SLC16A10: variants seen among roughly 807,000 people sequenced by gnomAD.
SLC16A10 encodes monocarboxylate transporter 10.
Under a neutral mutation model 40.0 loss-of-function variants are expected in SLC16A10, and 27 were observed. That is an observed-to-expected ratio of 0.67 (90% CI 0.50 to 0.93). The LOEUF (loss-of-function observed/expected upper bound fraction) is 0.93, where lower values mean the gene tolerates loss of function less well. Among genes scored for constraint, SLC16A10 ranks in the 40% least tolerant of loss-of-function variants. The pLI, the probability that SLC16A10 is intolerant of heterozygous loss-of-function variation, is 0.00. For missense variants in SLC16A10, 529 were observed against 658.2 expected (o/e 0.80, Z 2.15); for synonymous variants, 213 against 249.8 (o/e 0.85, Z 1.39).
chr6:111,128,629 T>A (rs954768501), intron 1 of SLC16A10, among the ~76,000 whole-genome samples: 1 of 152,192 alleles, frequency 6.6e-6, no homozygotes, highest in African/African-American at 2.4e-5. Context: ...TCGGATGCAG[T>A]AAGGAAGGCT....
intron 1 of SLC16A10, among the ~76,000 whole-genome samples, chr6:111,145,563 CACACCATATAAAAAA>C (rs1220700575): frequency 6.6e-6 from 1 of 152,108 alleles, no homozygotes; most frequent in Non-Finnish European, 1.5e-5. Context: ...TCCCCTACCT[CACACCATATAAAAAA>C]ATAACTCAAA....
intron 1 of SLC16A10, among the ~76,000 whole-genome samples, chr6:111,134,076 A>G (rs367596337): frequency 3.3e-5 from 5 of 152,214 alleles, no homozygotes; most frequent in African/African-American, 9.6e-5. Flanking sequence ...GAGTTTGGCA[A>G]TCTCTGGTAT....
intron 1 of SLC16A10, among the ~76,000 whole-genome samples, chr6:111,164,749 C>T (rs1772440759): frequency 6.6e-6 from 1 of 152,122 alleles, no homozygotes; most frequent in Non-Finnish European, 1.5e-5. Context: ...CAGAGTGATA[C>T]TGTTGAAAAA....
At chr6:111,092,193 T>G (rs1372535081) in intron 1 of SLC16A10, among the ~76,000 whole-genome samples, 1 of 152,124 alleles carries the variant, frequency 6.6e-6, no homozygotes, top group East Asian at 1.9e-4. Flanking sequence ...TGAAAAATGC[T>G]GACGGCATCA....
chr6:111,218,305 C>T (rs950213290), intron 4 of SLC16A10, among the ~76,000 whole-genome samples: 11 of 152,034 alleles, frequency 7.2e-5, no homozygotes, highest in Non-Finnish European at 1.6e-4. Context: ...TTCGGCCAGG[C>T]GCTGTGGCTC....
intron 1 of SLC16A10, among the ~76,000 whole-genome samples, chr6:111,148,543 G>A (rs1261848258): frequency 6.6e-6 from 1 of 152,224 alleles, no homozygotes; most frequent in Non-Finnish European, 1.5e-5. Context: ...CCTGTTAGGT[G>A]GAAACATGTC....
intron 3 of SLC16A10, among the ~76,000 whole-genome samples, chr6:111,201,357 T>C (rs1554261336): frequency 1.3e-5 from 2 of 152,216 alleles, no homozygotes; most frequent in Non-Finnish European, 2.9e-5. Context: ...GTAGTTATTT[T>C]AGTCCCACAG....
chr6:111,151,783 A>G (rs949492514), intron 1 of SLC16A10, among the ~76,000 whole-genome samples: 1 of 152,172 alleles, frequency 6.6e-6, no homozygotes, highest in African/African-American at 2.4e-5. Flanking sequence ...TTTACATGGA[A>G]TGTTCCTGCC....
At chr6:111,220,855 G>A (rs922044415) in intron 5 of SLC16A10, among the ~76,000 whole-genome samples, 1 of 152,204 alleles carries the variant, frequency 6.6e-6, no homozygotes, top group Non-Finnish European at 1.5e-5. Context: ...CACAGCAACT[G>A]GCAGCAGAAA....
At chr6:111,088,815 T>C (rs771763710) in intron 1 of SLC16A10, among the ~76,000 whole-genome samples, 2 of 124,150 alleles carry the variant, frequency 1.6e-5, no homozygotes, top group Non-Finnish European at 4.0e-5. Context: ...AGGTGCAGAT[T>C]CAGCGTTTTC....
At chr6:111,117,463 ATTTGGTT>A (rs1771510068) in intron 1 of SLC16A10, among the ~76,000 whole-genome samples, 1 of 151,758 alleles carries the variant, frequency 6.6e-6, no homozygotes, top group Non-Finnish European at 1.5e-5. Context: ...TTTAGTCAAT[ATTTGGTT>A]ATTTGCTTTG....
At chr6:111,191,175 C>A (rs367734) in intron 3 of SLC16A10, among the ~76,000 whole-genome samples, 1 of 151,902 alleles carries the variant, frequency 6.6e-6, no homozygotes, top group African/African-American at 2.4e-5. Flanking sequence ...TGTAGCCCCC[C>A]ACTCCCCTGA....
At chr6:111,160,159 T>A (rs1033592706) in intron 1 of SLC16A10, among the ~76,000 whole-genome samples, 6 of 152,220 alleles carry the variant, frequency 3.9e-5, no homozygotes, top group African/African-American at 1.4e-4. Flanking sequence ...TTGTACTGAT[T>A]TCTTGTATGG....
chr6:111,157,969 C>T (rs1772302545), intron 1 of SLC16A10, among the ~76,000 whole-genome samples: 1 of 150,728 alleles, frequency 6.6e-6, no homozygotes, highest in Non-Finnish European at 1.5e-5. Flanking sequence ...TGACTTATAG[C>T]CAGAAAAGAT....
Position 111,226,815 on chromosome 6 carries a change from A to G in SLC16A10, c.*4580A>G, listed in dbSNP as rs1771002904. 1.3e-5 allele frequency: 2 copies of G among 152,238 alleles called. No homozygotes were observed. The highest frequency in any genetic ancestry group is 2.9e-5 in the Non-Finnish European group (2 of 68,042). 9.4% of individuals were successfully genotyped at this position (152,238 alleles called of 1,614,324 possible). ...AATAAGAATACATCGTAGAAGGAAG[A>G]CTTGCTACTTTACTGACTTAATCAT... On this transcript the variant is annotated 3_prime_UTR_variant, in exon 6 of 6. Coordinates refer to ENST00000368851, the MANE Select transcript of SLC16A10 (RefSeq NM_018593.5).
chr6:111,188,488 G>GAT (rs201508067), intron 3 of SLC16A10, among the ~76,000 whole-genome samples: 16 of 151,068 alleles, frequency 1.1e-4, no homozygotes, highest in African/African-American at 1.5e-4. Flanking sequence ...TTGACACAAG[G>GAT]ATATATATAT....
chr6:111,162,627 A>T (rs1583336716), intron 1 of SLC16A10, among the ~76,000 whole-genome samples: 1 of 152,252 alleles, frequency 6.6e-6, no homozygotes, highest in East Asian at 1.9e-4. Context: ...GCACTGATGC[A>T]AATAACTGTA....
chr6:111,114,085 C>T (rs1053467873), intron 1 of SLC16A10, among the ~76,000 whole-genome samples: 12 of 152,212 alleles, frequency 7.9e-5, no homozygotes, highest in African/African-American at 2.9e-4. Flanking sequence ...TTTCTCTTCT[C>T]TCCCTCTTTT....
At chr6:111,114,859 G>T (rs575084379) in intron 1 of SLC16A10, among the ~76,000 whole-genome samples, 1 of 152,048 alleles carries the variant, frequency 6.6e-6, no homozygotes, top group South Asian at 2.1e-4. Context: ...TATTTTAAAG[G>T]TACGTTATCT....
Sources: allele counts gnomAD v4.1 joint callset (sites outside exome capture counted in the v4.1 genomes callset), GRCh38; gene constraint gnomAD v4.1.1; transcripts MANE v1.5; gene names NCBI Gene and HGNC (gene_info 2026-07-23, HGNC 2026-07-21).